The following CDC42BPB variants were observed in gnomAD, a reference collection of about 807,000 sequenced individuals.
CDC42BPB encodes the protein serine/threonine-protein kinase MRCK beta.
In CDC42BPB, 37 loss-of-function variants were observed where a neutral mutation model predicts 214.9. The ratio of observed to expected loss-of-function variants is 0.17; its 90% CI spans 0.13 to 0.23. The LOEUF is 0.23. CDC42BPB is among the 10% of genes least tolerant of loss of function. The probability of loss-of-function intolerance (pLI) is 1.00; values close to 1 mark genes in which losing one functional copy is unlikely to be tolerated. For synonymous variants in CDC42BPB, 931 were observed against 884.0 expected (o/e 1.05, Z -0.94); for missense variants, 1,694 against 2,227.0 (o/e 0.76, Z 4.82).
chr14:103,025,414 A>G (rs1311730413), intron 1 of CDC42BPB, among the ~76,000 whole-genome samples: 1 of 151,836 alleles, frequency 6.6e-6, no homozygotes, highest in Non-Finnish European at 1.5e-5. Context: ...AAGCAGCTTT[A>G]CTCATAATTA....
chr14:102,972,543 G>T (rs1893523779), intron 12 of CDC42BPB, among the ~76,000 whole-genome samples: 1 of 151,978 alleles, frequency 6.6e-6, no homozygotes. Context: ...AAAAAAATTA[G>T]CTGGGCGTGG....
At chr14:103,003,130 G>GA (rs1392026499) in intron 4 of CDC42BPB, among the ~76,000 whole-genome samples, 3 of 152,196 alleles carry the variant, frequency 2.0e-5, no homozygotes, top group Non-Finnish European at 4.4e-5. Context: ...CACCACTGCA[G>GA]AAACAGTGCC....
At chr14:102,953,106 G>A (rs969341182) in intron 23 of CDC42BPB, among the ~76,000 whole-genome samples, 5 of 152,246 alleles carry the variant, frequency 3.3e-5, no homozygotes, top group Non-Finnish European at 7.3e-5. Flanking sequence ...TGAACCCAGC[G>A]GCAACTGCAG....
At chr14:103,016,844 G>T (rs111279024) in intron 1 of CDC42BPB, among the ~76,000 whole-genome samples, 16,857 of 151,988 alleles carry the variant, frequency 0.11, 1,095 homozygotes, top group African/African-American at 0.17. Context: ...AGCAGCAGCA[G>T]TTCAGCTACA....
chr14:103,023,687 C>T (rs749348092), intron 1 of CDC42BPB, among the ~76,000 whole-genome samples: 27 of 151,924 alleles, frequency 1.8e-4, no homozygotes, highest in Non-Finnish European at 3.7e-4. Flanking sequence ...AACTGATTTT[C>T]GAGTAAAAAC....
At chr14:102,947,977 G>A (rs781474270) in intron 26 of CDC42BPB, 175 bp from the exon 27 acceptor site, 29 of 983,504 alleles carry the variant, frequency 2.9e-5, no homozygotes, top group Non-Finnish European at 3.5e-5. Flanking sequence ...ACAAACTCAA[G>A]ACTCTGGCAG....
chr14:103,053,122 G>A (rs960038043), intron 1 of CDC42BPB, among the ~76,000 whole-genome samples: 5 of 152,042 alleles, frequency 3.3e-5, no homozygotes, highest in African/African-American at 1.2e-4. Context: ...GGCCGAGGAG[G>A]GTGGATCACG....
chr14:103,031,564 GTTTA>G (rs1233865273), intron 1 of CDC42BPB, among the ~76,000 whole-genome samples: 4 of 152,174 alleles, frequency 2.6e-5, no homozygotes, highest in Non-Finnish European at 4.4e-5. Flanking sequence ...TACTACCAGG[GTTTA>G]TTTGATTATG....
intron 5 of CDC42BPB, among the ~76,000 whole-genome samples, chr14:102,997,945 G>A (rs1420690822): frequency 6.6e-6 from 1 of 152,190 alleles, no homozygotes; most frequent in Admixed American, 6.5e-5. Context: ...AAGAGTTCAA[G>A]ACCAGCCTGG....
In CDC42BPB at chr14:102,967,177, T is replaced by C. The variant is rs1019124343; in HGVS notation, c.2347-7A>G. ...TATCCACAAAGGAACAGAGCTGAAA[T>C]GAAACAATTTCACCACAGAACTTGT... On this transcript the variant is annotated splice_region_variant and splice_polypyrimidine_tract_variant and intron_variant, in intron 16 of 36. Coordinates refer to ENST00000361246, the MANE Select transcript of CDC42BPB (RefSeq NM_006035.4). 1.2e-6 allele frequency: 2 copies of C among 1,608,182 alleles called. No homozygotes were observed. The highest frequency in any genetic ancestry group is 1.7e-6 in the Non-Finnish European group (2 of 1,175,298).
At chr14:103,016,553 G>C (rs866441436) in intron 1 of CDC42BPB, among the ~76,000 whole-genome samples, 7 of 150,892 alleles carry the variant, frequency 4.6e-5, no homozygotes, top group Non-Finnish European at 5.9e-5. Context: ...AACCAGGTGA[G>C]GGGAGGGAAC....
At position 103,053,674 on chromosome 14, in the gene CDC42BPB, ACAAC is replaced by A. The variant is rs1888768709; in HGVS notation, c.175+3321_175+3324del. Among the ~76,000 whole-genome samples, 21 of 151,026 alleles carry A rather than the reference ACAAC, an allele frequency of 1.4e-4. No homozygotes were observed. The South Asian group carries it at 2.3e-3, about 17-fold the overall frequency. ...CTACTCAGGAGGCTGAGGCAGGAGA[ACAAC>A]GTGAACCCGGGAGGCAGAGCTTGCA... is the stretch of plus-strand genomic sequence containing the variant. On this transcript the variant is annotated intron_variant, in intron 1 of 36. Transcript: ENST00000361246.
At chr14:103,039,960 T>C (rs1009157729) in intron 1 of CDC42BPB, among the ~76,000 whole-genome samples, 8 of 152,190 alleles carry the variant, frequency 5.3e-5, no homozygotes, top group Admixed American at 4.6e-4. Context: ...AAGATCAATA[T>C]ATAAAAATCA....
chr14:102,969,283 G>C (rs1893364591), intron 14 of CDC42BPB, among the ~76,000 whole-genome samples: 1 of 152,232 alleles, frequency 6.6e-6, no homozygotes, highest in Non-Finnish European at 1.5e-5. Context: ...AGTGTGTCTG[G>C]TGTGGCGGGG....
intron 36 of CDC42BPB, among the ~76,000 whole-genome samples, chr14:102,934,519 G>A (rs1891550226): frequency 6.6e-6 from 1 of 151,362 alleles, no homozygotes; most frequent in African/African-American, 2.4e-5. Context: ...GGGCGACAGA[G>A]CGAGACTCCG....
chr14:103,036,902 G>A (rs751939518), intron 1 of CDC42BPB, among the ~76,000 whole-genome samples: 14 of 151,972 alleles, frequency 9.2e-5, no homozygotes, highest in Non-Finnish European at 1.9e-4. Context: ...CTGCAGCCTC[G>A]ACCTCCCAGG....
intron 23 of CDC42BPB, among the ~76,000 whole-genome samples, chr14:102,953,619 T>A (rs577946849): frequency 5.9e-5 from 9 of 152,332 alleles, no homozygotes; most frequent in Non-Finnish European, 5.9e-5. Context: ...CCCGTCACCC[T>A]GGAGACTTTC....
rs139005558 is a variant in CDC42BPB, at chr14:103,019,567, T to C, written c.176-7379A>G. Among the ~76,000 whole-genome samples the C allele has an allele frequency of 5.9e-5, 9 of 152,332 alleles. No homozygotes were observed. In the East Asian group the frequency reaches 1.2e-3, roughly 20 times the overall value. ...CCTTCAGCACAGCTGCCTGTGTCTA[T>C]GGCATGTGGCAACTGACATTCACGA... On this transcript the variant is annotated intron_variant, in intron 1 of 36. Transcript: ENST00000361246.
intron 36 of CDC42BPB, among the ~76,000 whole-genome samples, chr14:102,936,251 T>C (rs1282742871): frequency 6.6e-6 from 1 of 152,152 alleles, no homozygotes; most frequent in African/African-American, 2.4e-5. Flanking sequence ...CTCACAGGCA[T>C]AAACCCGAAT....
Sources: gnomAD v4.1 joint callset for allele counts (sites outside exome capture counted in the v4.1 genomes callset) on GRCh38, gnomAD v4.1.1 for gene constraint, MANE v1.5 for transcripts, NCBI Gene and HGNC (gene_info 2026-07-23, HGNC 2026-07-21) for gene names.